Variants in SPATA2 observed in about 807,000 individuals in gnomAD.
The protein encoded by SPATA2 is spermatogenesis associated 2, also known as spermatogenesis-associated protein 2.
In SPATA2, 8 loss-of-function variants were observed where a neutral mutation model predicts 35.4. The ratio of observed to expected loss-of-function variants is 0.23; its 90% CI spans 0.13 to 0.41. The LOEUF is 0.41. Ranked by LOEUF, SPATA2 falls within the 10% of genes least tolerant of loss-of-function variation. The pLI, the probability that SPATA2 is intolerant of heterozygous loss-of-function variation, is 1.00. For synonymous variants in SPATA2, 293 were observed against 300.9 expected (o/e 0.97, Z 0.27); for missense variants, 650 against 698.7 (o/e 0.93, Z 0.79).
Position 49,905,825 on chromosome 20 carries a change from AG to A in SPATA2, c.1356del (p.Ser453ProfsTer55). The A allele has an allele frequency of 6.2e-7, 1 of 1,614,088 alleles. No individual in the cohort carries two copies. Among genetic ancestry groups the A allele is most frequent in the Non-Finnish European group, 8.5e-7 (1 of 1,180,000 alleles). On this transcript the variant is annotated frameshift_variant, in exon 3 of 3. Transcript: ENST00000289431. LOFTEE classifies it high-confidence loss of function. Reference sequence around the variant, plus strand: ...CCACAGCGGGAAGTGGGCGTGGTGGAGGGCTTGGATTTGGAGTGAAGGTGCG... The same window carrying A: ...CCACAGCGGGAAGTGGGCGTGGTGGAGGCTTGGATTTGGAGTGAAGGTGCG... Reference protein sequence around the residue: ...RLPHLHSKSKPSTTPTSRCGF... With the variant: ...RLPHLHSKSKXSTTPTSRCGF...
At position 49,904,151 on chromosome 20, in the gene SPATA2, T is replaced by C. The variant is rs927533684; in HGVS notation, c.*1468A>G. 6.6e-6 allele frequency: 1 copy of C among 152,184 alleles called. No homozygotes were observed. Among genetic ancestry groups the C allele is most frequent in the African/African-American group, 2.4e-5 (1 of 41,266 alleles). The allele number at this position is 152,184 out of a possible 1,614,324, so 9.4% of individuals were successfully genotyped here. The stretch of plus-strand genomic sequence containing the variant: ...ATCACAAACAGTTATGGCTAAAATA[T>C]AGTTAGTTCACAAGGAAGCGGCTTT... On this transcript the variant is annotated 3_prime_UTR_variant, in exon 3 of 3. Transcript: ENST00000289431.
In SPATA2 at chr20:49,905,952, G is replaced by A. The variant is rs1347792479; in HGVS notation, c.1230C>T (p.Pro410=). ...SLLTCPPASK[P]SAFPSKASTH... ...TCGAGGCCTTGCTGGGGAAGGCGCT[G>A]GGCTTGGAAGCTGGAGGACAGGTGA... The change falls in exon 3 of 3, where the codon CCC becomes CCT. Residue 410 remains proline (P), a synonymous_variant. Transcript: ENST00000289431. 1 of 1,609,904 alleles carries A rather than the reference G, an allele frequency of 6.2e-7. No individual in the cohort carries two copies. The highest frequency in any genetic ancestry group is 2.2e-5 in the East Asian group (1 of 44,878).
intron 1 of SPATA2, among the ~76,000 whole-genome samples, chr20:49,911,559 C>T (rs1247746384): frequency 2.3e-4 from 35 of 151,454 alleles, no homozygotes; most frequent in African/African-American, 7.8e-4. Context: ...CACAGCTACT[C>T]GGGAGGCTGA....
chr20:49,909,794 G>A (rs377488476), intron 1 of SPATA2, among the ~76,000 whole-genome samples: 6 of 152,330 alleles, frequency 3.9e-5, no homozygotes, highest in South Asian at 4.1e-4. Flanking sequence ...CCCCAAGGCC[G>A]CAAGAGCACA....
chr20:49,903,425 TTAATCATC>T lies in SPATA2; in HGVS notation c.*2186_*2193del, dbSNP rs879179213. 2.0e-5 allele frequency: 3 copies of T among 152,204 alleles called. No individual in the cohort carries two copies. In the South Asian group the frequency reaches 6.2e-4, roughly 32 times the overall value. 9.4% of individuals were successfully genotyped at this position (152,204 alleles called of 1,614,324 possible). Reference sequence around the variant, plus strand: ...GGAAGACACTTTATTATTATTATTTTTAATCATCTCTCAACATTTCAACTCTTGGTAGA... The same window carrying T: ...GGAAGACACTTTATTATTATTATTTTTCTCAACATTTCAACTCTTGGTAGA... On this transcript the variant is annotated 3_prime_UTR_variant, in exon 3 of 3. Coordinates refer to ENST00000289431, the MANE Select transcript of SPATA2 (RefSeq NM_006038.4).
At chr20:49,907,164 G>A (rs2090151593) in intron 2 of SPATA2, among the ~76,000 whole-genome samples, 1 of 152,178 alleles carries the variant, frequency 6.6e-6, no homozygotes, top group African/African-American at 2.4e-5. Context: ...GGGTTCAAGC[G>A]ATTCTCCTGC....
chr20:49,908,569 T>C lies in SPATA2; in HGVS notation c.-79A>G. The C allele has an allele frequency of 4.1e-6, 5 of 1,215,850 alleles. No homozygotes were observed. Among genetic ancestry groups the C allele is most frequent in the African/African-American group, 3.0e-5 (2 of 66,512 alleles). The allele number at this position is 1,215,850 out of a possible 1,614,324, so 75.3% of individuals were successfully genotyped here. On this transcript the variant is annotated 5_prime_UTR_variant, in exon 2 of 3. Transcript: ENST00000289431. ...GACATCACTAAAAGCATGGACATGTTGCCGCCTGGACCAGCGGAGTGCTCT... is the reference window on the plus strand; with the variant it reads ...GACATCACTAAAAGCATGGACATGTCGCCGCCTGGACCAGCGGAGTGCTCT...
intron 1 of SPATA2, among the ~76,000 whole-genome samples, chr20:49,910,075 G>A (rs1477509078): frequency 6.6e-6 from 1 of 152,202 alleles, no homozygotes; most frequent in Non-Finnish European, 1.5e-5. Context: ...TAGTAGAACA[G>A]GCACAGATCC....
In SPATA2 at chr20:49,903,902, GATATATATAT is replaced by G. The variant is rs374830291; in HGVS notation, c.*1707_*1716del. The G allele has an allele frequency of 6.1e-3, 593 of 96,878 alleles. 2 individuals are homozygous for G. The highest frequency in any genetic ancestry group is 0.01 in the African/African-American group (215 of 21,346). The allele number at this position is 96,878 out of a possible 1,614,324, so 6.0% of individuals were successfully genotyped here. On this transcript the variant is annotated 3_prime_UTR_variant, in exon 3 of 3. Coordinates refer to ENST00000289431, the MANE Select transcript of SPATA2 (RefSeq NM_006038.4). ...ACATCTACATGTGATCTACCAGATA[GATATATATAT>G]ATATATATATATATATATATATATA... is the stretch of plus-strand genomic sequence containing the variant.
At position 49,905,844 on chromosome 20, in the gene SPATA2, A is replaced by G; in HGVS notation, c.1338T>C (p.Leu446=). 6.2e-7 allele frequency: 1 copy of G among 1,614,058 alleles called. No individual in the cohort carries two copies. The highest frequency in any genetic ancestry group is 8.5e-7 in the Non-Finnish European group (1 of 1,180,022). ...QTQGLDRLPH[L]HSKSKPSTTP... is the part of the protein sequence containing the mutation. The stretch of plus-strand genomic sequence containing the variant: ...TGGTGGAGGGCTTGGATTTGGAGTG[A>G]AGGTGCGGGAGGCGGTCGAGGCCCT... The change falls in exon 3 of 3, where the codon CTT becomes CTC. Residue 446 remains leucine, a synonymous_variant. Coordinates refer to ENST00000289431, the MANE Select transcript of SPATA2 (RefSeq NM_006038.4).
In SPATA2 at chr20:49,908,525, C is replaced by T; in HGVS notation, c.-35G>A. On this transcript the variant is annotated 5_prime_UTR_variant, in exon 2 of 3. Coordinates refer to ENST00000289431, the MANE Select transcript of SPATA2 (RefSeq NM_006038.4). Reference sequence around the variant, plus strand: ...GGGGGCTACCTTATCTCCTCCATGGCTTCTGGATTAGAGGCAGGGACATCA... The same window carrying T: ...GGGGGCTACCTTATCTCCTCCATGGTTTCTGGATTAGAGGCAGGGACATCA... The T allele has an allele frequency of 3.3e-6, 5 of 1,527,982 alleles. No individual in the cohort carries two copies. Among genetic ancestry groups the T allele is most frequent in the Non-Finnish European group, 2.7e-6 (3 of 1,123,118 alleles). 94.7% of individuals were successfully genotyped at this position (1,527,982 alleles called of 1,614,324 possible).
In SPATA2 at chr20:49,908,676, G is replaced by A. The variant is rs549577322; in HGVS notation, c.-102-84C>T. On this transcript the variant is annotated intron_variant, in intron 1 of 2. Transcript: ENST00000289431. ...GGTCGCTGAGGCAAAATGAACAGCA[G>A]AACTGGCCTGGGCTACACTGGACCC... The A allele has an allele frequency of 8.4e-6, 5 of 595,106 alleles. No individual in the cohort carries two copies. In the South Asian group the frequency reaches 1.1e-4, roughly 13 times the overall value. The allele number at this position is 595,106 out of a possible 1,614,324, so 36.9% of individuals were successfully genotyped here.
In SPATA2 at chr20:49,908,481, G is replaced by A. The variant is rs772192586; in HGVS notation, c.10C>T (p.Pro4Ser). Residue 4 changes from proline to serine, a missense_variant, in exon 2 of 3, where the codon CCC (proline) becomes TCC (serine). Coordinates refer to ENST00000289431, the MANE Select transcript of SPATA2 (RefSeq NM_006038.4). MGKPSSMDTKFKDD... is the reference protein window; with the variant it reads MGKSSSMDTKFKDD... ...TTGAATTTAGTATCCATTGAACTGG[G>A]CTTCCCCATCCGATCGAGGGGGGCT... 5.0e-6 allele frequency: 8 copies of A among 1,592,922 alleles called. No homozygotes were observed. The South Asian group carries it at 5.6e-5, about 11-fold the overall frequency.
chr20:49,908,103 G>C, intron 2 of SPATA2, 52 bp downstream of exon 2: 1 of 1,520,610 alleles, frequency 6.6e-7, no homozygotes, highest in Non-Finnish European at 8.9e-7. Context: ...GGGACTGCCA[G>C]GGGCAGGAAG....
rs147213348 is a variant in SPATA2, at chr20:49,905,630, C to T, written c.1552G>A (p.Val518Met). ...GGGGCGAGGCCGGTCTATCTGTACA[C>T]GAGATGGGAGAGCTGGGTGGACTTG... is the stretch of plus-strand genomic sequence containing the variant. ...NYKSTQLSHL[V>M]YR Residue 518 changes from valine (V) to methionine (M), a missense_variant, in exon 3 of 3, where the codon GTG becomes ATG. Val to Met is a conservative substitution (Grantham distance 21). Transcript: ENST00000289431. 3.3e-4 allele frequency: 530 copies of T among 1,614,212 alleles called. 1 individual carries two copies. The highest frequency in any genetic ancestry group is 3.9e-4 in the Non-Finnish European group (458 of 1,180,022).
intron 1 of SPATA2, among the ~76,000 whole-genome samples, chr20:49,909,732 C>T (rs907739197): frequency 1.3e-5 from 2 of 152,126 alleles, no homozygotes; most frequent in African/African-American, 4.8e-5. Flanking sequence ...GCCGAGGCCA[C>T]GAGGGCAGGG....
Position 49,913,078 on chromosome 20 carries a change from C to T in SPATA2, c.-103+2302G>A, listed in dbSNP as rs146062101. 9.3e-3 allele frequency among the ~76,000 whole-genome samples: 1,417 copies of T among 152,148 alleles called. 17 individuals carry two copies. The highest frequency in any genetic ancestry group is 0.014 in the Non-Finnish European group (936 of 68,008). The stretch of plus-strand genomic sequence containing the variant: ...GAGCTATGATGGCACCACTGCACTC[C>T]GGCCTGGGTGACAGAGCAAGACCTT... On this transcript the variant is annotated intron_variant, in intron 1 of 2. Coordinates refer to ENST00000289431, the MANE Select transcript of SPATA2 (RefSeq NM_006038.4).
At chr20:49,908,065 GGGATC>G (rs1263692903) in intron 2 of SPATA2, 85 bp downstream of exon 2, 47 of 1,258,420 alleles carry the variant, frequency 3.7e-5, no homozygotes, top group Middle Eastern at 2.8e-4. Context: ...CAGGATGGAT[GGGATC>G]AGACTGGCAT....
rs368511107 is a variant in SPATA2 at position 49,906,083 on chromosome 20, G to C, written c.1099C>G (p.Leu367Val). The C allele has an allele frequency of 3.1e-6, 5 of 1,609,926 alleles. No homozygotes were observed. Among genetic ancestry groups the C allele is most frequent in the Non-Finnish European group, 4.2e-6 (5 of 1,179,768 alleles). The part of the protein sequence containing the change: ...VWLLRNDAHS[L>V]YHKRSPPAKE... ...GCAGGGGGCGAGCGCTTGTGGTAGA[G>C]GGAGTGGGCATCGTTTCTGAGCAGC... Residue 367 changes from leucine (L) to valine (V), a missense_variant, in exon 3 of 3, where the codon CTC becomes GTC. By Grantham distance (32) the Leu-to-Val change is conservative. Transcript: ENST00000289431. This position sits in a 1 kb window ranked among gnomAD's most constrained non-coding sequence, Gnocchi z 8.2.
Sources: gnomAD v4.1 joint callset for allele counts (sites outside exome capture counted in the v4.1 genomes callset) on GRCh38, gnomAD v4.1.1 for gene constraint, Gnocchi (gnomAD v3.1) non-coding constraint, MANE v1.5 for transcripts, NCBI Gene and HGNC (gene_info 2026-07-23, HGNC 2026-07-21) for gene names.